The following HS6ST3 variants were observed in gnomAD, a reference collection of about 807,000 sequenced individuals.
The protein encoded by HS6ST3 is heparan-sulfate 6-O-sulfotransferase 3.
Under a neutral mutation model 36.7 loss-of-function variants are expected in HS6ST3, and 12 were observed. The ratio of observed to expected loss-of-function variants is 0.33; its 90% CI spans 0.21 to 0.53. The LOEUF (loss-of-function observed/expected upper bound fraction) is 0.53, where lower values mean the gene tolerates loss of function less well. HS6ST3 is among the 20% of genes least tolerant of loss of function. HS6ST3 has a pLI of 0.95. For synonymous variants in HS6ST3, 240 were observed against 257.5 expected (o/e 0.93, Z 0.65); for missense variants, 584 against 640.9 (o/e 0.91, Z 0.96).
In HS6ST3 at chr13:96,676,448, C is replaced by A. The variant is rs554998006; in HGVS notation, c.708-156042C>A. Among the ~76,000 whole-genome samples the A allele has an allele frequency of 2.0e-4, 31 of 152,190 alleles. No homozygotes were observed. In the South Asian group the frequency reaches 3.1e-3, roughly 15 times the overall value. ...GTGAAAACACCATCATTGACATACC[C>A]AGTACAACGTTCACCTCCATTACAG... On this transcript the variant is annotated intron_variant, in intron 1 of 1. Coordinates refer to ENST00000376705, the MANE Select transcript of HS6ST3 (RefSeq NM_153456.4).
intron 1 of HS6ST3, among the ~76,000 whole-genome samples, chr13:96,688,154 C>A (rs1233297727): frequency 1.3e-5 from 2 of 150,242 alleles, no homozygotes; most frequent in Non-Finnish European, 3.0e-5. Flanking sequence ...ACCAACATGG[C>A]ACATGTATAC....
chr13:96,356,390 A>T (rs938360245), intron 1 of HS6ST3, among the ~76,000 whole-genome samples: 16 of 152,190 alleles, frequency 1.1e-4, no homozygotes, highest in African/African-American at 3.9e-4. Flanking sequence ...ATAGCTTTAC[A>T]AAATATATTT....
intron 1 of HS6ST3, among the ~76,000 whole-genome samples, chr13:96,331,239 G>A (rs1334616518): frequency 3.3e-5 from 5 of 151,926 alleles, no homozygotes; most frequent in Non-Finnish European, 7.4e-5. Flanking sequence ...GCGTTCCTTT[G>A]GAGGAGGAGA....
At chr13:96,134,244 T>C (rs1309149962) in intron 1 of HS6ST3, among the ~76,000 whole-genome samples, 1 of 152,134 alleles carries the variant, frequency 6.6e-6, no homozygotes, top group Non-Finnish European at 1.5e-5. Flanking sequence ...AAACTTTTTT[T>C]ATATTTGTCT....
chr13:96,266,636 G>C (rs1175346890), intron 1 of HS6ST3, among the ~76,000 whole-genome samples: 1 of 152,116 alleles, frequency 6.6e-6, no homozygotes, highest in Non-Finnish European at 1.5e-5. Flanking sequence ...TTCCCATTTT[G>C]ACTGTGGGTA....
intron 1 of HS6ST3, among the ~76,000 whole-genome samples, chr13:96,293,652 T>G (rs1273689194): frequency 1.3e-5 from 2 of 152,138 alleles, no homozygotes; most frequent in African/African-American, 4.8e-5. Context: ...ATTTTTCCTT[T>G]AATAATATTA....
intron 1 of HS6ST3, among the ~76,000 whole-genome samples, chr13:96,554,711 T>C (rs2056232796): frequency 6.6e-6 from 1 of 152,090 alleles, no homozygotes; most frequent in African/African-American, 2.4e-5. Context: ...GCAGTCTCCT[T>C]TTGGTATTTC....
chr13:96,676,981 GA>G (rs2056700865), intron 1 of HS6ST3, among the ~76,000 whole-genome samples: 1 of 152,104 alleles, frequency 6.6e-6, no homozygotes, highest in Non-Finnish European at 1.5e-5. Flanking sequence ...AGTAAGTAGA[GA>G]AAAGTTGGCT....
intron 1 of HS6ST3, among the ~76,000 whole-genome samples, chr13:96,342,547 T>C (rs2055136040): frequency 6.6e-6 from 1 of 152,212 alleles, no homozygotes; most frequent in South Asian, 2.1e-4. Flanking sequence ...GCTAATGTCA[T>C]CCTATCAATT....
At chr13:96,397,065 G>A (rs1056061965) in intron 1 of HS6ST3, among the ~76,000 whole-genome samples, 5 of 152,008 alleles carry the variant, frequency 3.3e-5, no homozygotes, top group Admixed American at 1.3e-4. Flanking sequence ...TTAGCTGGGC[G>A]TGATAGTGGG....
rs915315811 is a variant in HS6ST3 at position 96,171,860 on chromosome 13, G to T, written c.707+80291G>T. 1.0e-4 allele frequency among the ~76,000 whole-genome samples: 15 copies of T among 150,210 alleles called. 1 individual carries two copies. Among genetic ancestry groups the T allele is most frequent in the East Asian group, 2.0e-4 (1 of 5,114 alleles). Reference sequence around the variant, plus strand: ...ACTTACTAAGGGAATATGGTTTCTTGTTGAGCCCTGCACAACTTCACAAAC... The same window carrying T: ...ACTTACTAAGGGAATATGGTTTCTTTTTGAGCCCTGCACAACTTCACAAAC... On this transcript the variant is annotated intron_variant, in intron 1 of 1. Coordinates refer to ENST00000376705, the MANE Select transcript of HS6ST3 (RefSeq NM_153456.4).
chr13:96,588,222 T>A (rs1170547843), intron 1 of HS6ST3, among the ~76,000 whole-genome samples: 1 of 151,988 alleles, frequency 6.6e-6, no homozygotes, highest in Non-Finnish European at 1.5e-5. Context: ...GACACCTTTT[T>A]TTTTCTTGCT....
chr13:96,146,711 TTAATGAATTCGTATGTAGGTA>T (rs2054059899), intron 1 of HS6ST3, among the ~76,000 whole-genome samples: 2 of 152,196 alleles, frequency 1.3e-5, no homozygotes, highest in Admixed American at 1.3e-4. Context: ...AGCAGTTTTA[TTAATGAATTCGTATGTAGGTA>T]TGGTCACTTT....
At chr13:96,716,260 G>A (rs1875693840) in intron 1 of HS6ST3, among the ~76,000 whole-genome samples, 1 of 152,020 alleles carries the variant, frequency 6.6e-6, no homozygotes, top group Non-Finnish European at 1.5e-5. Flanking sequence ...TTTTTGTAAA[G>A]TAGAAATTAA....
chr13:96,820,648 CGCTGAAA>C (rs1453248225), intron 1 of HS6ST3, among the ~76,000 whole-genome samples: 1 of 152,246 alleles, frequency 6.6e-6, no homozygotes, highest in Non-Finnish European at 1.5e-5. Context: ...AACCAAGTCA[CGCTGAAA>C]GCGAGGTGGG....
rs141003030 is a variant in HS6ST3 at position 96,585,686 on chromosome 13, A to T, written c.708-246804A>T. 9.9e-4 allele frequency among the ~76,000 whole-genome samples: 151 copies of T among 152,298 alleles called. 1 individual carries two copies. Among genetic ancestry groups the T allele is most frequent in the African/African-American group, 3.1e-3 (127 of 41,568 alleles). ...GTGAGATCAACATTTTTGGTTCCAC[A>T]TGTAAGTGAGATCGTGCAGTATTTG... On this transcript the variant is annotated intron_variant, in intron 1 of 1. Coordinates refer to ENST00000376705, the MANE Select transcript of HS6ST3 (RefSeq NM_153456.4).
chr13:96,109,399 T>G (rs2053857601), intron 1 of HS6ST3, among the ~76,000 whole-genome samples: 1 of 152,150 alleles, frequency 6.6e-6, no homozygotes, highest in Non-Finnish European at 1.5e-5. Context: ...GTTAGACTAT[T>G]TGAAACCACT....
At chr13:96,261,544 T>TA (rs1180914736) in intron 1 of HS6ST3, among the ~76,000 whole-genome samples, 1 of 152,164 alleles carries the variant, frequency 6.6e-6, no homozygotes, top group East Asian at 1.9e-4. Context: ...AGTGGATCTG[T>TA]AGCAGAGGGC....
In HS6ST3 at chr13:96,834,651, CAAGGAGCTG is replaced by C. The variant is rs1878882197; in HGVS notation, c.*1458_*1466del. On this transcript the variant is annotated 3_prime_UTR_variant, in exon 2 of 2. Coordinates refer to ENST00000376705, the MANE Select transcript of HS6ST3 (RefSeq NM_153456.4). ...AACGGATTGATCTGATCAATCCCTT[CAAGGAGCTG>C]AAGGCAAAATGTGTAAAACCCCTAA... is the stretch of plus-strand genomic sequence containing the variant. 1 of 152,618 alleles carries C rather than the reference CAAGGAGCTG, an allele frequency of 6.6e-6. No individual in the cohort carries two copies. Among genetic ancestry groups the C allele is most frequent in the Non-Finnish European group, 1.5e-5 (1 of 68,042 alleles). The allele number at this position is 152,618 out of a possible 1,614,324, so 9.5% of individuals were successfully genotyped here.
Sources: gnomAD v4.1 joint callset for allele counts (sites outside exome capture counted in the v4.1 genomes callset) on GRCh38, gnomAD v4.1.1 for gene constraint, MANE v1.5 for transcripts, NCBI Gene and HGNC (gene_info 2026-07-23, HGNC 2026-07-21) for gene names.